The following DNAH10 variants were observed in gnomAD, a reference collection of about 807,000 sequenced individuals.
DNAH10 encodes axonemal beta dynein heavy chain 10.
A neutral mutation model predicts 506.6 loss-of-function variants in DNAH10; 348 were observed. The observed-to-expected ratio is 0.69, with a 90% CI of 0.63 to 0.75. DNAH10 has a LOEUF of 0.75. DNAH10 is among the 30% of genes least tolerant of loss of function. The pLI is 0.00. For synonymous variants in DNAH10, 2,059 were observed against 2,198.6 expected, an observed-to-expected ratio of 0.94 and a Z score of 1.78; for missense variants, 5,179 against 5,787.1, an observed-to-expected ratio of 0.89 and a Z score of 3.41.
In DNAH10 at chr12:123,882,663, C is replaced by T. The variant is rs185078418; in HGVS notation, c.8823+850C>T. On this transcript the variant is annotated intron_variant, in intron 51 of 78. Coordinates refer to ENST00000673944, the MANE Select transcript of DNAH10 (RefSeq NM_001372106.1). ...AAAAAATGATCCAGGCATGGTGGCA[C>T]GCACCTGTAATCCCAGCTACTCGGA... Among the ~76,000 whole-genome samples the T allele has an allele frequency of 2.0e-3, 299 of 151,904 alleles. 1 individual carries two copies. Among genetic ancestry groups the T allele is most frequent in the African/African-American group, 6.8e-3 (280 of 41,424 alleles).
chr12:123,933,363 C>T lies in DNAH10; in HGVS notation c.13329C>T (p.Leu4443=). 5 of 1,603,968 alleles carry T rather than the reference C, an allele frequency of 3.1e-6. No individual in the cohort carries two copies. Among genetic ancestry groups the T allele is most frequent in the Non-Finnish European group, 4.3e-6 (5 of 1,175,974 alleles). The change falls in exon 77 of 79, where the codon CTC becomes CTT. Residue 4443 remains leucine, a synonymous_variant. Transcript: ENST00000673944. ...AGAGCGAGCCCAGCGTGATGTGGCT[C>T]TCGGGGCTGCACATCCCTGAGTCCT... ...VTESEPSVMW[L]SGLHIPESYL...
chr12:123,805,371 C>A (rs141501271), intron 18 of DNAH10, among the ~76,000 whole-genome samples: 1 of 152,200 alleles, frequency 6.6e-6, no homozygotes, highest in African/African-American at 2.4e-5. Flanking sequence ...GAGTGACAGA[C>A]GTGAAGGACA....
At chr12:123,801,535 A>G (rs1958483131) in intron 16 of DNAH10, 103 bp downstream of exon 16, 7 of 1,411,846 alleles carry the variant, frequency 5.0e-6, no homozygotes, top group Non-Finnish European at 5.7e-6. Context: ...TATAGAGACA[A>G]TTAACAATTT....
At chr12:123,905,452 C>T (rs116558952) in intron 57 of DNAH10, among the ~76,000 whole-genome samples, 69 of 152,288 alleles carry the variant, frequency 4.5e-4, no homozygotes, top group African/African-American at 1.6e-3. Flanking sequence ...GCCTAATCCC[C>T]GCCGTGGGGA....
chr12:123,887,279 C>A lies in DNAH10; in HGVS notation c.8961C>A (p.Gly2987=). The change falls in exon 52 of 79, where the codon GGC becomes GGA. Residue 2987 remains glycine (G), a synonymous_variant. Coordinates refer to ENST00000673944, the MANE Select transcript of DNAH10 (RefSeq NM_001372106.1). ...CGGATGCCCATGTGGCTGAGGAGGG[C>A]TTCCTGGAGCTCATCAACAACATGC... The part of the protein sequence containing the change: ...LFTDAHVAEE[G]FLELINNMLT... The A allele has an allele frequency of 1.2e-6, 2 of 1,613,886 alleles. No individual in the cohort carries two copies. The highest frequency in any genetic ancestry group is 1.7e-6 in the Non-Finnish European group (2 of 1,179,838).
In DNAH10 at chr12:123,859,348, C is replaced by T; in HGVS notation, c.6749+80C>T. On this transcript the variant is annotated intron_variant, in intron 38 of 78. Transcript: ENST00000673944. ...GTTTGGTGCCAGTATTACCAAGTCC[C>T]ACTTTGCTCTCTGATTTCCTGGGAG... 7 of 1,157,872 alleles carry T rather than the reference C, an allele frequency of 6.0e-6. No individual in the cohort carries two copies. In the South Asian group the frequency reaches 7.1e-5, roughly 12 times the overall value. The allele number at this position is 1,157,872 out of a possible 1,614,324, so 71.7% of individuals were successfully genotyped here. A position where few individuals can be genotyped will look rare whatever the true frequency, so the allele number is the denominator to read the frequency against.
intron 50 of DNAH10, among the ~76,000 whole-genome samples, chr12:123,880,765 A>AG (rs1361030119): frequency 2.7e-5 from 4 of 150,176 alleles, no homozygotes; most frequent in Non-Finnish European, 4.4e-5. Flanking sequence ...CTCGTCATTT[A>AG]CATTAGGTGT....
chr12:123,801,109 T>C (rs1331867013), intron 15 of DNAH10, among the ~76,000 whole-genome samples, 172 bp from the exon 16 acceptor site: 4 of 152,194 alleles, frequency 2.6e-5, no homozygotes, highest in Non-Finnish European at 1.5e-5. Flanking sequence ...GTAACCAATA[T>C]TTTCCAAAAA....
chr12:123,914,504 C>G lies in DNAH10; in HGVS notation c.10528C>G (p.Pro3510Ala), dbSNP rs143987578. The G allele has an allele frequency of 1.6e-4, 257 of 1,613,702 alleles. No individual in the cohort carries two copies. Among genetic ancestry groups the G allele is most frequent in the Non-Finnish European group, 2.0e-4 (236 of 1,179,884 alleles). ...GGAGCGGGAGATCCCCCTGAGCCAGCCTTTCCGGCTGGAAAGCCTGCTCAC... is the reference window on the plus strand; with the variant it reads ...GGAGCGGGAGATCCCCCTGAGCCAGGCTTTCCGGCTGGAAAGCCTGCTCAC... The part of the protein sequence containing the change: ...ILEREIPLSQ[P>A]FRLESLLTDD... Residue 3510 changes from proline (P) to alanine (A), a missense_variant, in exon 61 of 79, where the codon CCT (proline) becomes GCT (alanine). Pro to Ala is a conservative substitution (Grantham distance 27, BLOSUM62 -1). Around this residue, in one of 3 missense-constraint regions of DNAH10, gnomAD observed 4,844 missense variants for 5,430.5 expected, o/e 0.89. Transcript: ENST00000673944.
intron 15 of DNAH10, 22 bp from the exon 16 acceptor site, chr12:123,801,259 A>G (rs766086722): frequency 1.2e-6 from 2 of 1,611,078 alleles, no homozygotes; most frequent in South Asian, 2.2e-5. Context: ...CCTCAGGTTT[A>G]TGACATTCCT....
intron 78 of DNAH10, among the ~76,000 whole-genome samples, 189 bp from the exon 79 acceptor site, chr12:123,935,146 G>A (rs1200980039): frequency 6.6e-6 from 1 of 152,204 alleles, no homozygotes; most frequent in East Asian, 1.9e-4. Flanking sequence ...TTTTAACCAG[G>A]GTGTCAGTGT....
At position 123,805,057 on chromosome 12, in the gene DNAH10, G is replaced by A; in HGVS notation, c.2987+17G>A. The A allele has an allele frequency of 6.2e-7, 1 of 1,612,860 alleles. No individual in the cohort carries two copies. The highest frequency in any genetic ancestry group is 2.2e-5 in the East Asian group (1 of 44,876). On this transcript the variant is annotated intron_variant, in intron 18 of 78. Coordinates refer to ENST00000673944, the MANE Select transcript of DNAH10 (RefSeq NM_001372106.1). ...CATCCTGAAGTAAGTTCATCTTGTT[G>A]CATGCTTTAAAATGGTGTGTGTAGA... is the stretch of plus-strand genomic sequence containing the variant.
In DNAH10 at chr12:123,838,563, A is replaced by G. The variant is rs778888022; in HGVS notation, c.5010A>G (p.Lys1670=). Residue 1670 remains lysine, a synonymous_variant, in exon 29 of 79, where the codon AAA becomes AAG. Coordinates refer to ENST00000673944, the MANE Select transcript of DNAH10 (RefSeq NM_001372106.1). ...GCGAGGGCCTGGAGAAATGCCAGAAAAGCCTCAACGACTACTTAGATTCGA... is the reference window on the plus strand; with the variant it reads ...GCGAGGGCCTGGAGAAATGCCAGAAGAGCCTCAACGACTACTTAGATTCGA... ...NVSEGLEKCQ[K]SLNDYLDSKR... is the part of the protein sequence containing the mutation. 3 of 1,614,048 alleles carry G rather than the reference A, an allele frequency of 1.9e-6. No homozygotes were observed. Among genetic ancestry groups the G allele is most frequent in the Non-Finnish European group, 2.5e-6 (3 of 1,179,890 alleles).
chr12:123,772,919 T>C lies in DNAH10; in HGVS notation c.482T>C (p.Val161Ala). The change falls in exon 4 of 79, where the codon GTG becomes GCG. Residue 161 changes from valine (V) to alanine (A), a missense_variant. Physicochemically the swap from Val to Ala is moderately conservative, Grantham distance 64. Transcript: ENST00000673944. ...LPEEFLDQNV[V>A]FFLRNTKEAI... ...GAGGAGTTCCTGGACCAAAACGTGGTGTTTTTCCTCAGAAATACCAAAGGT... is the reference window on the plus strand; with the variant it reads ...GAGGAGTTCCTGGACCAAAACGTGGCGTTTTTCCTCAGAAATACCAAAGGT... The C allele has an allele frequency of 6.2e-7, 1 of 1,612,692 alleles. No individual in the cohort carries two copies. The highest frequency in any genetic ancestry group is 1.3e-5 in the African/African-American group (1 of 74,970).
Position 123,796,583 on chromosome 12 carries a change from G to T in DNAH10, c.1987-73G>T, listed in dbSNP as rs1419782157. On this transcript the variant is annotated intron_variant, in intron 12 of 78. Coordinates refer to ENST00000673944, the MANE Select transcript of DNAH10 (RefSeq NM_001372106.1). ...ACATTCCACTTTTGGTTTCCTTAAAGATTCAAATCTCATCTTTCTTGGCTA... is the reference window on the plus strand; with the variant it reads ...ACATTCCACTTTTGGTTTCCTTAAATATTCAAATCTCATCTTTCTTGGCTA... 2.8e-6 allele frequency: 4 copies of T among 1,404,290 alleles called. No individual in the cohort carries two copies. The South Asian group carries it at 5.9e-5, about 21-fold the overall frequency. The allele number at this position is 1,404,290 out of a possible 1,614,324, so 87.0% of individuals were successfully genotyped here. A position where few individuals can be genotyped will look rare whatever the true frequency, so the allele number is the denominator to read the frequency against.
chr12:123,875,735 TG>T (rs1335807864), intron 47 of DNAH10, among the ~76,000 whole-genome samples: 1 of 152,222 alleles, frequency 6.6e-6, no homozygotes, highest in African/African-American at 2.4e-5. Flanking sequence ...AAAAGTGCCT[TG>T]GGCCCGTGGG....
At position 123,929,400 on chromosome 12, in the gene DNAH10, C is replaced by G; in HGVS notation, c.12432C>G (p.Phe4144Leu). 1 of 1,613,644 alleles carries G rather than the reference C, an allele frequency of 6.2e-7. No homozygotes were observed. The highest frequency in any genetic ancestry group is 8.5e-7 in the Non-Finnish European group (1 of 1,179,784). The change falls in exon 71 of 79, where the codon TTC becomes TTG. Residue 4144 changes from phenylalanine (F) to leucine (L), a missense_variant. Phe to Leu is a conservative substitution (Grantham distance 22). Around this residue, in one of 3 missense-constraint regions of DNAH10, gnomAD observed 4,844 missense variants for 5,430.5 expected, o/e 0.89. Coordinates refer to ENST00000673944, the MANE Select transcript of DNAH10 (RefSeq NM_001372106.1). Reference sequence around the variant, plus strand: ...AGCCGCTGGTCTACGTGCTGGCGTTCTTTCATGCTGTGGTGCAGGAGAGAA... The same window carrying G: ...AGCCGCTGGTCTACGTGCTGGCGTTGTTTCATGCTGTGGTGCAGGAGAGAA... Reference protein sequence around the residue: ...AFKPLVYVLAFFHAVVQERRK... With the variant: ...AFKPLVYVLALFHAVVQERRK...
chr12:123,852,958 TTTAAA>T (rs1951232898), intron 35 of DNAH10, among the ~76,000 whole-genome samples: 1 of 150,660 alleles, frequency 6.6e-6, no homozygotes, highest in Non-Finnish European at 1.5e-5. Context: ...GGTTCTGTTC[TTTAAA>T]TTAAGATAGT....
intron 53 of DNAH10, 53 bp downstream of exon 53, chr12:123,893,489 G>A: frequency 3.1e-6 from 5 of 1,603,470 alleles, no homozygotes; most frequent in Non-Finnish European, 8.5e-7. Flanking sequence ...CAGAGTGTGT[G>A]GCTGAGGGTC....
Sources: allele counts gnomAD v4.1 joint callset (sites outside exome capture counted in the v4.1 genomes callset), GRCh38; gene constraint gnomAD v4.1.1; regional missense constraint gnomAD v4.1.1; transcripts MANE v1.5; gene names NCBI Gene and HGNC (gene_info 2026-07-23, HGNC 2026-07-21).